Variants in TEK observed in about 807,000 individuals in gnomAD.
The protein encoded by TEK is angiopoietin-1 receptor.
A neutral mutation model predicts 131.8 loss-of-function variants in TEK; 43 were observed. The observed-to-expected ratio is 0.33, with a 90% CI of 0.26 to 0.42. TEK has a LOEUF of 0.42. Among genes scored for constraint, TEK ranks in the 10% least tolerant of loss-of-function variants. TEK has a pLI of 1.00. For synonymous variants in TEK, 580 were observed against 491.6 expected, an observed-to-expected ratio of 1.18 and a Z score of -2.38; for missense variants, 1,162 against 1,384.4, an observed-to-expected ratio of 0.84 and a Z score of 2.55.
chr9:27,218,248 C>T (rs1224824367), intron 19 of TEK, among the ~76,000 whole-genome samples: 1 of 53,310 alleles, frequency 1.9e-5, no homozygotes, highest in East Asian at 2.2e-3. Context: ...GGAGGAAAAA[C>T]CAAGGCCCCG....
chr9:27,225,232 A>G (rs1826268601), intron 21 of TEK, among the ~76,000 whole-genome samples: 2 of 152,242 alleles, frequency 1.3e-5, no homozygotes, highest in African/African-American at 4.8e-5. Flanking sequence ...AGAATTAGAT[A>G]AAACTGCTTT....
chr9:27,181,436 A>G (rs1217317313), intron 7 of TEK, among the ~76,000 whole-genome samples: 2 of 152,204 alleles, frequency 1.3e-5, no homozygotes, highest in Admixed American at 6.5e-5. Context: ...GGTCAACCAT[A>G]TCTTCTGTCT....
At chr9:27,123,865 C>T (rs922330625) in intron 1 of TEK, among the ~76,000 whole-genome samples, 10 of 152,228 alleles carry the variant, frequency 6.6e-5, no homozygotes, top group Non-Finnish European at 2.9e-5. Context: ...CAACCTCCGC[C>T]TCTCAGGTTC....
chr9:27,162,597 C>T (rs1034193680), intron 2 of TEK, among the ~76,000 whole-genome samples: 1 of 152,044 alleles, frequency 6.6e-6, no homozygotes, highest in African/African-American at 2.4e-5. Flanking sequence ...ACATAATTTA[C>T]GAAGTTGTTA....
At chr9:27,165,045 A>G (rs573382860) in intron 2 of TEK, among the ~76,000 whole-genome samples, 5 of 152,210 alleles carry the variant, frequency 3.3e-5, no homozygotes, top group Non-Finnish European at 5.9e-5. Flanking sequence ...GAGAGCAATC[A>G]GCCTAGAGAC....
At chr9:27,196,151 C>T (rs1268405251) in intron 11 of TEK, among the ~76,000 whole-genome samples, 1 of 152,202 alleles carries the variant, frequency 6.6e-6, no homozygotes, top group Non-Finnish European at 1.5e-5. Context: ...GGCAAATCTA[C>T]TGTTTTGATT....
chr9:27,139,977 C>T lies in TEK; in HGVS notation c.53-17854C>T, dbSNP rs528429862. Among the ~76,000 whole-genome samples the T allele has an allele frequency of 3.9e-5, 6 of 152,238 alleles. No individual in the cohort carries two copies. In the East Asian group the frequency reaches 1.2e-3, roughly 29 times the overall value. ...ACCTTGGCTTCCCCAGTCCCGCTAC[C>T]TTAGACTCTCTAGACTTCCCAGTAA... On this transcript the variant is annotated intron_variant, in intron 1 of 22. Transcript: ENST00000380036.
chr9:27,167,963 G>T (rs1385057433), intron 2 of TEK, among the ~76,000 whole-genome samples: 1 of 151,974 alleles, frequency 6.6e-6, no homozygotes, highest in Non-Finnish European at 1.5e-5. Flanking sequence ...TTGATAATAG[G>T]TACAGTTTGA....
At chr9:27,132,224 A>G (rs760935060) in intron 1 of TEK, among the ~76,000 whole-genome samples, 2 of 151,796 alleles carry the variant, frequency 1.3e-5, no homozygotes, top group Non-Finnish European at 2.9e-5. Flanking sequence ...AGTAGCTAGG[A>G]TCACAGGCGT....
At chr9:27,153,901 C>T (rs1487641571) in intron 1 of TEK, among the ~76,000 whole-genome samples, 2 of 152,194 alleles carry the variant, frequency 1.3e-5, no homozygotes, top group Admixed American at 6.5e-5. Context: ...CTGCTCTATT[C>T]TTTCTGAAAG....
chr9:27,195,418 C>A (rs984717769), intron 11 of TEK, among the ~76,000 whole-genome samples: 1 of 152,086 alleles, frequency 6.6e-6, no homozygotes, highest in African/African-American at 2.4e-5. Flanking sequence ...ATCCTGCCTC[C>A]CGTGAAATTT....
At chr9:27,221,257 G>A (rs982032366) in intron 21 of TEK, among the ~76,000 whole-genome samples, 5 of 152,198 alleles carry the variant, frequency 3.3e-5, no homozygotes, top group Non-Finnish European at 4.4e-5. Context: ...CTGAAAGAAA[G>A]GCAACAGCCA....
chr9:27,205,210 G>A (rs1361505638), intron 14 of TEK, 145 bp downstream of exon 14: 2 of 1,046,210 alleles, frequency 1.9e-6, no homozygotes, highest in African/African-American at 3.2e-5. Flanking sequence ...CTTTCATTAT[G>A]AAATGGGAGA....
chr9:27,184,409 T>C (rs964525953), intron 8 of TEK, among the ~76,000 whole-genome samples: 1 of 152,168 alleles, frequency 6.6e-6, no homozygotes, highest in African/African-American at 2.4e-5. Context: ...AAATACTTAT[T>C]ATCCTATTTT....
intron 1 of TEK, among the ~76,000 whole-genome samples, chr9:27,139,171 C>G (rs1282922328): frequency 7.2e-6 from 1 of 138,132 alleles, no homozygotes; most frequent in African/African-American, 2.8e-5. Context: ...CGAGATCACG[C>G]CACTGCACTC....
chr9:27,193,353 G>A (rs979592506), intron 11 of TEK, among the ~76,000 whole-genome samples: 1 of 152,202 alleles, frequency 6.6e-6, no homozygotes, highest in African/African-American at 2.4e-5. Context: ...AGGTGAGGAT[G>A]GGGCCGGGGT....
At chr9:27,163,497 G>A (rs1639469126) in intron 2 of TEK, among the ~76,000 whole-genome samples, 1 of 152,168 alleles carries the variant, frequency 6.6e-6, no homozygotes, top group Non-Finnish European at 1.5e-5. Context: ...AAAAGGAGGA[G>A]AAAAGAAGAA....
At chr9:27,217,842 A>AC in intron 19 of TEK, 84 bp downstream of exon 19, 21 of 1,234,044 alleles carry the variant, frequency 1.7e-5, no homozygotes, top group Non-Finnish European at 2.4e-5. Flanking sequence ...AAGATACAGG[A>AC]ATGTCCTGTA....
intron 6 of TEK, among the ~76,000 whole-genome samples, chr9:27,178,057 C>T (rs746345220): frequency 6.0e-4 from 91 of 152,110 alleles, no homozygotes; most frequent in Non-Finnish European, 9.1e-4. Flanking sequence ...TATCAAGAAG[C>T]TTTTCCCGTC....
Sources: allele counts gnomAD v4.1 joint callset (sites outside exome capture counted in the v4.1 genomes callset), GRCh38; gene constraint gnomAD v4.1.1; transcripts MANE v1.5; gene names NCBI Gene and HGNC (gene_info 2026-07-23, HGNC 2026-07-21).